The following COL6A6 variants were observed in gnomAD, a reference collection of about 807,000 sequenced individuals.
The protein encoded by COL6A6 is collagen alpha-6(VI) chain.
In COL6A6, 183 loss-of-function variants were observed where a neutral mutation model predicts 208.6. That is an observed-to-expected ratio of 0.88 (90% CI 0.78 to 0.99). COL6A6 has a LOEUF of 0.99. COL6A6 is among the 50% of genes least tolerant of loss of function. COL6A6 has a pLI of 0.00. For synonymous variants in COL6A6, 973 were observed against 1,011.8 expected (o/e 0.96, Z 0.73); for missense variants, 2,816 against 2,815.2 (o/e 1.00, Z -0.01).
chr3:130,615,741 A>T (rs1353699116), intron 23 of COL6A6, among the ~76,000 whole-genome samples: 6 of 152,246 alleles, frequency 3.9e-5, no homozygotes, highest in African/African-American at 1.4e-4. Context: ...AAAAACATAT[A>T]TCATGTGATT....
chr3:130,590,457 TC>T (rs2063678121), intron 12 of COL6A6, among the ~76,000 whole-genome samples: 1 of 87,462 alleles, frequency 1.1e-5, no homozygotes, highest in Non-Finnish European at 2.3e-5. Flanking sequence ...GCTATCCCTC[TC>T]CCTCCCCCCA....
At chr3:130,626,462 A>T in intron 24 of COL6A6, 23 bp from the exon 25 acceptor site, 1 of 1,590,658 alleles carries the variant, frequency 6.3e-7, no homozygotes, top group South Asian at 1.1e-5. Context: ...TTCCAACCTA[A>T]AAACAATCTT....
In COL6A6 at chr3:130,661,712, T is replaced by C. The variant is rs777478338; in HGVS notation, c.5906T>C (p.Leu1969Pro). ...CAGTCTTACATGGATGCTGCTTTCC[T>C]TCTGGATGCCTCCCGGAACATGGGA... ...PVQSYMDAAF[L>P]LDASRNMGSA... Residue 1969 changes from leucine (L) to proline (P), a missense_variant, in exon 35 of 37, where the codon CTT becomes CCT. Coordinates refer to ENST00000358511, the MANE Select transcript of COL6A6 (RefSeq NM_001102608.3). The C allele has an allele frequency of 3.7e-6, 6 of 1,613,992 alleles. No individual in the cohort carries two copies. In the South Asian group the frequency reaches 4.4e-5, roughly 12 times the overall value.
chr3:130,586,644 G>T lies in COL6A6; in HGVS notation c.4109G>T (p.Arg1370Leu), dbSNP rs1285891321. The change falls in exon 11 of 37, where the codon CGG (arginine) becomes CTG (leucine). Residue 1370 changes from arginine (R) to leucine (L), a missense_variant. Physicochemically the swap from Arg to Leu is moderately radical, Grantham distance 102. Transcript: ENST00000358511. ...LSIGMRELGSRLSKQLVNVAE... is the reference protein window; with the variant it reads ...LSIGMRELGSLLSKQLVNVAE... ...ATTGGCATGAGAGAACTTGGAAGCC[G>T]GCTGTCAAAGCAGCTGGTAAGTTAT... 3.7e-6 allele frequency: 6 copies of T among 1,612,288 alleles called. No homozygotes were observed. Among genetic ancestry groups the T allele is most frequent in the Non-Finnish European group, 5.1e-6 (6 of 1,179,378 alleles).
chr3:130,651,425 C>CAAAA (rs35957602), intron 33 of COL6A6, among the ~76,000 whole-genome samples: 148 of 60,262 alleles, frequency 2.5e-3, no homozygotes, highest in Non-Finnish European at 3.2e-3. Context: ...GACTCCATCT[C>CAAAA]AAAAAAAAAA....
In COL6A6 at chr3:130,589,183, G is replaced by A. The variant is rs774124482; in HGVS notation, c.4218+1G>A. The A allele has an allele frequency of 1.2e-6, 2 of 1,610,874 alleles. No individual in the cohort carries two copies. The highest frequency in any genetic ancestry group is 8.5e-7 in the Non-Finnish European group (1 of 1,177,102). ...AGATCCTGGACCACCAGGGAAAAGGGTGATTTTAGCTCAGATTTATGGGTT... is the reference window on the plus strand; with the variant it reads ...AGATCCTGGACCACCAGGGAAAAGGATGATTTTAGCTCAGATTTATGGGTT... On this transcript the variant is annotated splice_donor_variant, in intron 12 of 36. Coordinates refer to ENST00000358511, the MANE Select transcript of COL6A6 (RefSeq NM_001102608.3). LOFTEE classifies it high-confidence loss of function.
At chr3:130,647,612 G>A (rs1167420557) in intron 32 of COL6A6, among the ~76,000 whole-genome samples, 1 of 152,220 alleles carries the variant, frequency 6.6e-6, no homozygotes, top group Non-Finnish European at 1.5e-5. Flanking sequence ...GCCTTTGAAG[G>A]ACATGGAGTC....
In COL6A6 at chr3:130,565,363, C is replaced by T; in HGVS notation, c.1031C>T (p.Ser344Leu). Reference protein sequence around the residue: ...QIAVLVTHRDSEDNVTKAAVN... With the variant: ...QIAVLVTHRDLEDNVTKAAVN... ...GCCGTGCTGGTGACCCACCGAGATT[C>T]AGAAGACAACGTGACAAAAGCAGCT... Residue 344 changes from serine to leucine, a missense_variant, in exon 4 of 37, where the codon TCA becomes TTA. Transcript: ENST00000358511. The T allele has an allele frequency of 1.2e-6, 2 of 1,613,956 alleles. No individual in the cohort carries two copies. The highest frequency in any genetic ancestry group is 8.5e-7 in the Non-Finnish European group (1 of 1,179,882).
intron 18 of COL6A6, 96 bp downstream of exon 18, chr3:130,594,439 G>T: frequency 1.1e-6 from 1 of 942,520 alleles, no homozygotes; most frequent in Admixed American, 2.3e-5. Context: ...TAGTAACCCT[G>T]AGTTTAAAAC....
intron 4 of COL6A6, among the ~76,000 whole-genome samples, chr3:130,565,884 C>T (rs1010336450): frequency 6.6e-6 from 1 of 152,168 alleles, no homozygotes; most frequent in South Asian, 2.1e-4. Flanking sequence ...AGAATACCTT[C>T]CTTTGCTATT....
In COL6A6 at chr3:130,634,131, T is replaced by C. The variant is rs1310851281; in HGVS notation, c.4993-459T>C. On this transcript the variant is annotated intron_variant, in intron 26 of 36. Coordinates refer to ENST00000358511, the MANE Select transcript of COL6A6 (RefSeq NM_001102608.3). ...GCATTTCAGGGAAACAGTTTGTCAATATTACTTTCCTTTGTCAAATCCGTG... is the reference window on the plus strand; with the variant it reads ...GCATTTCAGGGAAACAGTTTGTCAACATTACTTTCCTTTGTCAAATCCGTG... 3.2e-5 allele frequency among the ~76,000 whole-genome samples: 3 copies of C among 95,108 alleles called. No homozygotes were observed. In the East Asian group the frequency reaches 8.4e-4, roughly 27 times the overall value. 62.4% of individuals were successfully genotyped at this position (95,108 alleles called of 152,430 possible). A position where few individuals can be genotyped will look rare whatever the true frequency, so the allele number is the denominator to read the frequency against.
chr3:130,582,540 A>AGACCATGGATTGGCC (rs1257030817), intron 10 of COL6A6, among the ~76,000 whole-genome samples: 3 of 152,244 alleles, frequency 2.0e-5, no homozygotes, highest in East Asian at 3.9e-4. Flanking sequence ...TCCTTCCTTC[A>AGACCATGGATTGGCC]GACCATGGAT....
chr3:130,566,541 G>A (rs185104403), intron 4 of COL6A6, among the ~76,000 whole-genome samples, 161 bp from the exon 5 acceptor site: 42 of 152,332 alleles, frequency 2.8e-4, no homozygotes, highest in African/African-American at 1.0e-3. Flanking sequence ...TGGATGTTAA[G>A]ATTCCCCCAT....
At position 130,565,611 on chromosome 3, in the gene COL6A6, T is replaced by C; in HGVS notation, c.1279T>C (p.Ser427Pro). 6.2e-7 allele frequency: 1 copy of C among 1,606,430 alleles called. No individual in the cohort carries two copies. Among genetic ancestry groups the C allele is most frequent in the Admixed American group, 1.7e-5 (1 of 58,868 alleles). Residue 427 changes from serine to proline, a missense_variant, in exon 4 of 37, where the codon TCT becomes CCT. By Grantham distance (74) the Ser-to-Pro change is moderately conservative. Coordinates refer to ENST00000358511, the MANE Select transcript of COL6A6 (RefSeq NM_001102608.3). ...TTCAGAGAGGACTGAAACGCTCAAA[T>C]CTGGTAAGGTCTTCTGCTGAAAGAA... ...VFSERTETLK[S>P]GCVDTEEADI...
chr3:130,522,139 C>G (rs572847773), intron 1 of COL6A6, among the ~76,000 whole-genome samples: 1 of 152,250 alleles, frequency 6.6e-6, no homozygotes, highest in East Asian at 1.9e-4. Context: ...AGATGCCATT[C>G]TAGCCAAAAA....
chr3:130,553,163 C>T (rs761923792), intron 1 of COL6A6, among the ~76,000 whole-genome samples: 1 of 152,104 alleles, frequency 6.6e-6, no homozygotes, highest in Non-Finnish European at 1.5e-5. Context: ...CAGGGGTTCT[C>T]TACGTTTCCT....
chr3:130,574,075 A>G lies in COL6A6; in HGVS notation c.3097A>G (p.Ser1033Gly), dbSNP rs765005327. The G allele has an allele frequency of 9.9e-6, 16 of 1,613,926 alleles. No homozygotes were observed. Among genetic ancestry groups the G allele is most frequent in the Middle Eastern group, 1.6e-4 (1 of 6,084 alleles). ...LASVVQDFDV[S>G]LNRVRIGAAQ... ...ATCTGTTGTTCAAGACTTTGATGTC[A>G]GCCTCAACAGAGTGCGAATAGGAGC... The change falls in exon 8 of 37, where the codon AGC becomes GGC. Residue 1033 changes from serine to glycine, a missense_variant. By Grantham distance (56) the Ser-to-Gly change is moderately conservative. Coordinates refer to ENST00000358511, the MANE Select transcript of COL6A6 (RefSeq NM_001102608.3).
chr3:130,589,470 A>T (rs2063622956), intron 12 of COL6A6, among the ~76,000 whole-genome samples: 2 of 152,200 alleles, frequency 1.3e-5, no homozygotes, highest in Non-Finnish European at 2.9e-5. Flanking sequence ...AATCAGCTAT[A>T]ATTCCTCATG....
In COL6A6 at chr3:130,676,728, C is replaced by T. The variant is rs563781343; in HGVS notation, c.*1331C>T. ...TCTGCTATTCTTACTTAGAGAAATC[C>T]AGTGATAGCACCTCATGTCTTCAGA... On this transcript the variant is annotated 3_prime_UTR_variant, in exon 37 of 37. Transcript: ENST00000358511. The T allele has an allele frequency of 7.9e-5, 12 of 152,210 alleles. No individual in the cohort carries two copies. The highest frequency in any genetic ancestry group is 2.2e-4 in the African/African-American group (9 of 41,542). 9.4% of individuals were successfully genotyped at this position (152,210 alleles called of 1,614,324 possible). A position where few individuals can be genotyped will look rare whatever the true frequency, so the allele number is the denominator to read the frequency against.
Sources: gnomAD v4.1 joint callset for allele counts (sites outside exome capture counted in the v4.1 genomes callset) on GRCh38, gnomAD v4.1.1 for gene constraint, MANE v1.5 for transcripts, NCBI Gene and HGNC (gene_info 2026-07-23, HGNC 2026-07-21) for gene names.